DNAH9: variants seen among roughly 807,000 people sequenced by gnomAD.
The protein encoded by DNAH9 is DNAH9 variant protein.
DNAH9 carries 345 observed loss-of-function variants against 471.6 expected under a neutral mutation model. The observed-to-expected ratio is 0.73, with a 90% confidence interval of 0.67 to 0.80. The LOEUF (loss-of-function observed/expected upper bound fraction) is 0.80. Ranked by LOEUF, DNAH9 falls within the 30% of genes least tolerant of loss-of-function variation. The pLI, the probability that DNAH9 is intolerant of heterozygous loss-of-function variation, is 0.00. For missense variants in DNAH9, 5,407 were observed against 5,609.2 expected (o/e 0.96, Z 1.15); for synonymous variants, 2,093 against 2,123.6 (o/e 0.99, Z 0.40).
At chr17:11,756,972 C>T (rs980325128) in intron 34 of DNAH9, among the ~76,000 whole-genome samples, 1 of 152,162 alleles carries the variant, frequency 6.6e-6, no homozygotes, top group Non-Finnish European at 1.5e-5. Flanking sequence ...TGCAAAATTG[C>T]AACTCTATCC....
chr17:11,758,997 C>T (rs1345324149), intron 35 of DNAH9, among the ~76,000 whole-genome samples: 1 of 150,874 alleles, frequency 6.6e-6, no homozygotes, highest in Admixed American at 6.6e-5. Flanking sequence ...AAGTGGAAAA[C>T]AGTAGTTAAT....
At chr17:11,847,732 C>A (rs1971277732) in intron 49 of DNAH9, among the ~76,000 whole-genome samples, 2 of 152,176 alleles carry the variant, frequency 1.3e-5, no homozygotes, top group South Asian at 4.1e-4. Flanking sequence ...TGCCCCCAAC[C>A]CAGTTACACT....
intron 20 of DNAH9, among the ~76,000 whole-genome samples, chr17:11,691,705 C>T (rs1314415372): frequency 2.0e-5 from 3 of 152,192 alleles, no homozygotes; most frequent in African/African-American, 4.8e-5. Flanking sequence ...CCAGATATTT[C>T]AGATACTTCT....
chr17:11,603,044 C>A (rs1373779527), intron 1 of DNAH9, among the ~76,000 whole-genome samples: 2 of 152,194 alleles, frequency 1.3e-5, no homozygotes, highest in African/African-American at 4.8e-5. Flanking sequence ...TCCTGATGTA[C>A]TGGCCTCTAC....
intron 45 of DNAH9, among the ~76,000 whole-genome samples, chr17:11,814,714 G>A (rs920651946): frequency 6.6e-6 from 1 of 151,972 alleles, no homozygotes; most frequent in Non-Finnish European, 1.5e-5. Context: ...TATATCTGTG[G>A]GCCAAATCTC....
At chr17:11,662,454 A>T (rs1199828232) in intron 14 of DNAH9, among the ~76,000 whole-genome samples, 2 of 152,106 alleles carry the variant, frequency 1.3e-5, no homozygotes, top group African/African-American at 2.4e-5. Context: ...TTTCTCTCAC[A>T]TAAAATAGGT....
chr17:11,734,617 G>A (rs1420010110), intron 28 of DNAH9, among the ~76,000 whole-genome samples: 1 of 152,186 alleles, frequency 6.6e-6, no homozygotes, highest in Non-Finnish European at 1.5e-5. Flanking sequence ...AGAAGGAAGT[G>A]GGGGACCCAG....
In DNAH9 at chr17:11,781,054, G is replaced by A. The variant is rs1228923965; in HGVS notation, c.7598G>A (p.Gly2533Asp). Residue 2533 changes from glycine to aspartate, a missense_variant, in exon 39 of 69, where the codon GGC becomes GAC. By Grantham distance (94) the Gly-to-Asp change is moderately conservative (BLOSUM62 -1). Coordinates refer to ENST00000262442, the MANE Select transcript of DNAH9 (RefSeq NM_001372.4). ...GAAAAGAAGGCTGGCAGAAACTATG[G>A]CCCTCCAGGGAACAAGAAACTCATC... ...PLEKKAGRNY[G>D]PPGNKKLIYF... The A allele has an allele frequency of 1.9e-6, 3 of 1,614,116 alleles. No individual in the cohort carries two copies. The highest frequency in any genetic ancestry group is 2.2e-5 in the South Asian group (2 of 91,074).
At chr17:11,914,765 G>T (rs1249168856) in intron 61 of DNAH9, among the ~76,000 whole-genome samples, 2 of 152,058 alleles carry the variant, frequency 1.3e-5, no homozygotes, top group Non-Finnish European at 2.9e-5. Context: ...GAAAACTTTA[G>T]AATAATCTCT....
intron 59 of DNAH9, among the ~76,000 whole-genome samples, chr17:11,897,990 T>A (rs12709291): frequency 0.61 from 92,840 of 151,394 alleles, 30,725 homozygotes; most frequent in Middle Eastern, 0.76. Context: ...CGCCTCCAGC[T>A]TTTGATAGCC....
chr17:11,822,901 A>G lies in DNAH9; in HGVS notation c.9113A>G (p.Tyr3038Cys), dbSNP rs760739383. Residue 3038 changes from tyrosine (Y) to cysteine (C), a missense_variant, in exon 48 of 69, where the codon TAT becomes TGT. Transcript: ENST00000262442. ...CTGAGCAATGAACAGCGCTACAACT[A>G]TACAACTCCCAAGTCCTTTCTGGAG... ...SYLSNEQRYNYTTPKSFLEFI... is the reference protein window; with the variant it reads ...SYLSNEQRYNCTTPKSFLEFI... 80 of 1,614,122 alleles carry G rather than the reference A, an allele frequency of 5.0e-5. No homozygotes were observed. Among genetic ancestry groups the G allele is most frequent in the Non-Finnish European group, 6.3e-5 (74 of 1,180,058 alleles).
At chr17:11,686,972 C>T (rs763073931) in intron 19 of DNAH9, among the ~76,000 whole-genome samples, 1 of 152,160 alleles carries the variant, frequency 6.6e-6, no homozygotes, top group Non-Finnish European at 1.5e-5. Context: ...CCTACACACA[C>T]CAACGATTAG....
chr17:11,910,071 C>T (rs772370675), intron 61 of DNAH9, among the ~76,000 whole-genome samples: 17 of 151,958 alleles, frequency 1.1e-4, no homozygotes, highest in Non-Finnish European at 1.8e-4. Flanking sequence ...CTGGCTAACA[C>T]GGTGAAACCC....
intron 67 of DNAH9, among the ~76,000 whole-genome samples, chr17:11,956,928 T>C (rs1180436319): frequency 6.7e-6 from 1 of 149,528 alleles, no homozygotes; most frequent in Non-Finnish European, 1.5e-5. Flanking sequence ...TAATAAAGAG[T>C]AGAATTAATG....
At chr17:11,676,139 C>T (rs576719744) in intron 17 of DNAH9, among the ~76,000 whole-genome samples, 6 of 151,970 alleles carry the variant, frequency 3.9e-5, no homozygotes, top group South Asian at 4.2e-4. Context: ...TCGTAAGTCA[C>T]TTTTAGTAAG....
chr17:11,811,291 C>T (rs182902042), intron 45 of DNAH9, among the ~76,000 whole-genome samples: 18 of 150,472 alleles, frequency 1.2e-4, no homozygotes, highest in African/African-American at 3.4e-4. Context: ...CCAGCCTGGG[C>T]GACAGAGCGA....
chr17:11,923,373 G>A (rs553612354), intron 61 of DNAH9, among the ~76,000 whole-genome samples: 6 of 150,938 alleles, frequency 4.0e-5, no homozygotes, highest in African/African-American at 1.5e-4. Context: ...AGCCAGTGGC[G>A]CAATCTCGGC....
chr17:11,892,768 C>T lies in DNAH9; in HGVS notation c.11283+821C>T, dbSNP rs371699114. ...GGGGTTTCACCATATTGGCCAGGCT[C>T]GTCTCAAACTCCTGACCTCAGGTGA... On this transcript the variant is annotated intron_variant, in intron 58 of 68. Transcript: ENST00000262442. This position sits in a 1 kb window ranked among gnomAD's most constrained non-coding sequence, Gnocchi z 4.3. Among the ~76,000 whole-genome samples the T allele has an allele frequency of 1.5e-4, 23 of 152,060 alleles. No homozygotes were observed. The highest frequency in any genetic ancestry group is 4.2e-4 in the South Asian group (2 of 4,812).
At chr17:11,817,526 C>T (rs902852398) in intron 45 of DNAH9, among the ~76,000 whole-genome samples, 1 of 152,208 alleles carries the variant, frequency 6.6e-6, no homozygotes, top group African/African-American at 2.4e-5. Flanking sequence ...AAATACTCAG[C>T]TCTGTCCTTG....
Sources: allele counts gnomAD v4.1 joint callset (sites outside exome capture counted in the v4.1 genomes callset), GRCh38; gene constraint gnomAD v4.1.1; non-coding constraint Gnocchi (gnomAD v3.1); transcripts MANE v1.5; gene names NCBI Gene and HGNC (gene_info 2026-07-23, HGNC 2026-07-21).